The following RPS6KA1 variants were observed in gnomAD, a reference collection of about 807,000 sequenced individuals.
RPS6KA1 encodes ribosomal protein S6 kinase A1, also known as ribosomal protein S6 kinase alpha-1.
RPS6KA1 carries 48 observed loss-of-function variants against 91.3 expected under a neutral mutation model. The ratio of observed to expected loss-of-function variants is 0.53; its 90% CI spans 0.42 to 0.67. RPS6KA1 has a LOEUF of 0.67. Ranked by LOEUF, RPS6KA1 falls within the 30% of genes least tolerant of loss-of-function variation. RPS6KA1 has a pLI of 0.00. For synonymous variants in RPS6KA1, 359 were observed against 384.7 expected (o/e 0.93, Z 0.78); for missense variants, 719 against 960.5 (o/e 0.75, Z 3.32).
At chr1:26,560,477 C>T (rs1186260127) in intron 14 of RPS6KA1, among the ~76,000 whole-genome samples, 1 of 152,246 alleles carries the variant, frequency 6.6e-6, no homozygotes, top group African/African-American at 2.4e-5. Flanking sequence ...CCACTCCCTA[C>T]ACTGCCCTCT....
rs371025431 is a variant in RPS6KA1, at chr1:26,572,194, C to T, written c.1848C>T (p.Asn616=). ...TCTGCAGATATACTCCATTTGCCAA[C>T]GGTCCCAGTGACACACCAGAGGAAA... ...TMLAGYTPFA[N]GPSDTPEEIL... Residue 616 remains asparagine (N), a synonymous_variant, in exon 20 of 22, where the codon AAC becomes AAT. Coordinates refer to ENST00000374168, the MANE Select transcript of RPS6KA1 (RefSeq NM_002953.4). 6.4e-5 allele frequency: 103 copies of T among 1,613,922 alleles called. No homozygotes were observed. Among genetic ancestry groups the T allele is most frequent in the African/African-American group, 3.3e-4 (25 of 75,002 alleles).
intron 2 of RPS6KA1, chr1:26,543,328 C>A: frequency 1.2e-6 from 1 of 842,992 alleles, no homozygotes; most frequent in South Asian, 1.5e-5. Flanking sequence ...GGTTTCCTGT[C>A]TCTGTCCCCA....
At chr1:26,572,095 G>A in intron 19 of RPS6KA1, 81 bp from the exon 20 acceptor site, 7 of 1,352,800 alleles carry the variant, frequency 5.2e-6, no homozygotes, top group Non-Finnish European at 6.4e-6. Context: ...CATCTGAGGG[G>A]GAGACACAGT....
intron 2 of RPS6KA1, among the ~76,000 whole-genome samples, chr1:26,542,833 C>T (rs980805520): frequency 6.6e-6 from 1 of 152,200 alleles, no homozygotes; most frequent in African/African-American, 2.4e-5. Flanking sequence ...AGGTCCTCCC[C>T]TCACGTGGAT....
Position 26,544,010 on chromosome 1 carries a change from G to A in RPS6KA1, c.109-2857G>A, listed in dbSNP as rs951550581. 21 of 448,224 alleles carry A rather than the reference G, an allele frequency of 4.7e-5. No homozygotes were observed. The East Asian group carries it at 1.1e-3, about 24-fold the overall frequency. The allele number at this position is 448,224 out of a possible 1,614,324, so 27.8% of individuals were successfully genotyped here. A position where few individuals can be genotyped will look rare whatever the true frequency, so the allele number is the denominator to read the frequency against. On this transcript the variant is annotated intron_variant, in intron 2 of 21. Coordinates refer to ENST00000374168, the MANE Select transcript of RPS6KA1 (RefSeq NM_002953.4). Reference sequence around the variant, plus strand: ...TCAGAGGTGGGTCTGCAAGAAATACGAGAGTCCTCTCCTGAGTGGTGGGAG... The same window carrying A: ...TCAGAGGTGGGTCTGCAAGAAATACAAGAGTCCTCTCCTGAGTGGTGGGAG...
In RPS6KA1 at chr1:26,554,043, G is replaced by A. The variant is rs1416677336; in HGVS notation, c.576-171G>A. On this transcript the variant is annotated intron_variant, in intron 7 of 21. Transcript: ENST00000374168. The surrounding 1 kb of genome is among the most constrained non-coding windows in gnomAD (Gnocchi z 4.6). ...GCTTCAAGGATTAGCAAAAAAGATA[G>A]GCAACACCCCTGCGTGGTACTGCTA... The A allele has an allele frequency of 1.3e-5, 8 of 603,242 alleles. No homozygotes were observed. In the East Asian group the frequency reaches 2.1e-4, roughly 16 times the overall value. 37.4% of individuals were successfully genotyped at this position (603,242 alleles called of 1,614,324 possible).
chr1:26,546,844 C>T, intron 2 of RPS6KA1, 23 bp from the exon 3 acceptor site: 1 of 1,599,358 alleles, frequency 6.3e-7, no homozygotes, highest in Non-Finnish European at 8.6e-7. Flanking sequence ...CCACCATGCC[C>T]ACCAGCTCTG....
chr1:26,532,764 G>T (rs182753600), intron 1 of RPS6KA1, among the ~76,000 whole-genome samples: 8 of 152,330 alleles, frequency 5.3e-5, no homozygotes, highest in African/African-American at 1.7e-4. Context: ...GAGTTGCTTG[G>T]GTGGGAAGGA....
intron 17 of RPS6KA1, among the ~76,000 whole-genome samples, chr1:26,562,514 G>C (rs1289174151): frequency 6.6e-6 from 1 of 152,182 alleles, no homozygotes; most frequent in Non-Finnish European, 1.5e-5. Flanking sequence ...AATTCTGCTG[G>C]AAACGTAGCA....
intron 7 of RPS6KA1, 57 bp downstream of exon 7, chr1:26,553,554 A>T: frequency 8.9e-7 from 1 of 1,128,580 alleles, no homozygotes; most frequent in Non-Finnish European, 1.3e-6. Flanking sequence ...CTTCTAGGAC[A>T]GGGCCATCCT....
rs945426394 is a variant in RPS6KA1, at chr1:26,558,276, G to A, written c.1085-531G>A. Among the ~76,000 whole-genome samples, 4 of 152,168 alleles carry A rather than the reference G, an allele frequency of 2.6e-5. No homozygotes were observed. The highest frequency in any genetic ancestry group is 9.6e-5 in the African/African-American group (4 of 41,458). ...CAAGGAGTGGATTATCTAGTTAAAG[G>A]GAACAGTGTGTGCAAGGGCTCAGAG... On this transcript the variant is annotated intron_variant, in intron 13 of 21. Coordinates refer to ENST00000374168, the MANE Select transcript of RPS6KA1 (RefSeq NM_002953.4). The surrounding 1 kb of genome is among the most constrained non-coding windows in gnomAD (Gnocchi z 4.0).
At position 26,557,116 on chromosome 1, in the gene RPS6KA1, GT is replaced by G; in HGVS notation, c.1084+20del. 1 of 1,603,256 alleles carries G rather than the reference GT, an allele frequency of 6.2e-7. No homozygotes were observed. Among genetic ancestry groups the G allele is most frequent in the South Asian group, 1.1e-5 (1 of 90,904 alleles). ...ACACCCAAGGGTGCGTCCCTTATCTGTTTTGTCTGTCTTGGGCTGGTACAGG... is the reference window on the plus strand; with the variant it reads ...ACACCCAAGGGTGCGTCCCTTATCTGTTTGTCTGTCTTGGGCTGGTACAGG... On this transcript the variant is annotated intron_variant, in intron 13 of 21. Transcript: ENST00000374168.
chr1:26,545,931 C>A, intron 2 of RPS6KA1: 1 of 1,592,586 alleles, frequency 6.3e-7, no homozygotes. Flanking sequence ...GCCCCGTCTG[C>A]GGCTCTGGGC....
intron 17 of RPS6KA1, among the ~76,000 whole-genome samples, chr1:26,565,528 G>GT (rs1327473115): frequency 3.6e-5 from 5 of 140,546 alleles, no homozygotes; most frequent in Non-Finnish European, 7.7e-5. Flanking sequence ...TATTTTGCCC[G>GT]TTTTTGAATT....
At chr1:26,562,140 G>T (rs942115968) in intron 17 of RPS6KA1, among the ~76,000 whole-genome samples, 1 of 152,126 alleles carries the variant, frequency 6.6e-6, no homozygotes, top group Non-Finnish European at 1.5e-5. Flanking sequence ...GGAGGCGGAG[G>T]TTGCAGTGAG....
At chr1:26,537,900 G>A (rs1285398471) in intron 2 of RPS6KA1, among the ~76,000 whole-genome samples, 1 of 152,214 alleles carries the variant, frequency 6.6e-6, no homozygotes, top group African/African-American at 2.4e-5. Flanking sequence ...TAACTGCCTG[G>A]CACATGGCAG....
chr1:26,564,890 T>C (rs1388303126), intron 17 of RPS6KA1, among the ~76,000 whole-genome samples: 1 of 152,234 alleles, frequency 6.6e-6, no homozygotes, highest in African/African-American at 2.4e-5. Flanking sequence ...TCTGTTTTGT[T>C]CTTAAGTGAG....
chr1:26,530,656 G>A, intron 1 of RPS6KA1: 2 of 941,552 alleles, frequency 2.1e-6, no homozygotes, highest in Non-Finnish European at 2.8e-6. Context: ...CCCTTCTTAT[G>A]CCCCTTCCGG....
chr1:26,560,704 C>A lies in RPS6KA1; in HGVS notation c.1216-22C>A, dbSNP rs1284653808. ...TAGCACTCTAGAGCCAGGGGTCAGC[C>A]ACAATTTTTGGTCTCCTACAGCAAC... On this transcript the variant is annotated intron_variant, in intron 14 of 21. Transcript: ENST00000374168. The A allele has an allele frequency of 3.1e-6, 5 of 1,613,838 alleles. No individual in the cohort carries two copies. The African/African-American group carries it at 5.3e-5, about 17-fold the overall frequency.
Sources: gnomAD v4.1 joint callset for allele counts (sites outside exome capture counted in the v4.1 genomes callset) on GRCh38, gnomAD v4.1.1 for gene constraint, Gnocchi (gnomAD v3.1) non-coding constraint, MANE v1.5 for transcripts, NCBI Gene and HGNC (gene_info 2026-07-23, HGNC 2026-07-21) for gene names.